DOK5: variants seen among roughly 807,000 people sequenced by gnomAD.
DOK5 encodes docking protein 5, also known as downstream of tyrosine kinase 5.
DOK5 carries 27 observed loss-of-function variants against 43.3 expected under a neutral mutation model. That is an observed-to-expected ratio of 0.62 (90% CI 0.46 to 0.86). The LOEUF (loss-of-function observed/expected upper bound fraction) is 0.86, where lower values mean the gene tolerates loss of function less well. Among genes scored for constraint, DOK5 ranks in the 40% least tolerant of loss-of-function variants. The probability of loss-of-function intolerance (pLI) is 0.00; values close to 1 mark genes in which losing one functional copy is unlikely to be tolerated. For synonymous variants in DOK5, 146 were observed against 140.1 expected (o/e 1.04, Z -0.30); for missense variants, 373 against 392.9 (o/e 0.95, Z 0.43).
At chr20:54,507,457 A>C (rs1448353208) in intron 1 of DOK5, among the ~76,000 whole-genome samples, 2 of 152,250 alleles carry the variant, frequency 1.3e-5, no homozygotes, top group African/African-American at 4.8e-5. Context: ...AAAAATATAA[A>C]AATTATTAAT....
At chr20:54,613,218 C>T (rs1455996426) in intron 6 of DOK5, among the ~76,000 whole-genome samples, 3 of 149,384 alleles carry the variant, frequency 2.0e-5, no homozygotes, top group Non-Finnish European at 4.4e-5. Flanking sequence ...CTCTCTCTCT[C>T]GTCACCTCTC....
chr20:54,620,885 CT>C (rs60705062), intron 6 of DOK5, among the ~76,000 whole-genome samples: 4,373 of 152,156 alleles, frequency 0.029, 164 homozygotes, highest in African/African-American at 0.084. Flanking sequence ...AGTTCCCATT[CT>C]TGCGGAGCTT....
intron 1 of DOK5, among the ~76,000 whole-genome samples, chr20:54,501,913 T>C (rs1982623821): frequency 6.6e-6 from 1 of 152,244 alleles, no homozygotes; most frequent in Admixed American, 6.5e-5. Flanking sequence ...TTTTATTTCC[T>C]CGGTTAATAC....
intron 1 of DOK5, among the ~76,000 whole-genome samples, chr20:54,483,448 G>A (rs901964964): frequency 2.0e-5 from 3 of 152,136 alleles, no homozygotes; most frequent in Non-Finnish European, 4.4e-5. Context: ...TCCTCAAGGA[G>A]TTGACAATTT....
chr20:54,586,039 G>A (rs1389161606), intron 2 of DOK5, among the ~76,000 whole-genome samples: 7 of 152,154 alleles, frequency 4.6e-5, no homozygotes, highest in African/African-American at 9.7e-5. Context: ...CAGGAGAATC[G>A]CTTGAACCTG....
rs530930383 is a variant in DOK5 at position 54,600,813 on chromosome 20, G to A, written c.599+9008G>A. On this transcript the variant is annotated intron_variant, in intron 5 of 7. Coordinates refer to ENST00000262593, the MANE Select transcript of DOK5 (RefSeq NM_018431.5). Reference sequence around the variant, plus strand: ...TGTCTAGCTCAAGTTTTCCAGGCAGGCAAACATTACCTTGCAGGAGATCCT... The same window carrying A: ...TGTCTAGCTCAAGTTTTCCAGGCAGACAAACATTACCTTGCAGGAGATCCT... 7.9e-5 allele frequency among the ~76,000 whole-genome samples: 12 copies of A among 152,324 alleles called. No homozygotes were observed. The East Asian group carries it at 2.3e-3, about 29-fold the overall frequency.
chr20:54,622,838 T>C (rs1987024200), intron 6 of DOK5, among the ~76,000 whole-genome samples: 1 of 151,944 alleles, frequency 6.6e-6, no homozygotes, highest in Non-Finnish European at 1.5e-5. Flanking sequence ...GAGATAGAAA[T>C]AGTGATGAGG....
intron 1 of DOK5, among the ~76,000 whole-genome samples, chr20:54,501,189 TG>T (rs1042155029): frequency 6.6e-6 from 1 of 151,114 alleles, no homozygotes; most frequent in Admixed American, 6.6e-5. Flanking sequence ...GCAGTGGGGC[TG>T]GGCGCGGTGG....
intron 2 of DOK5, 73 bp from the exon 3 acceptor site, chr20:54,588,410 C>T (rs1985876593): frequency 1.6e-6 from 2 of 1,247,932 alleles, no homozygotes; most frequent in African/African-American, 3.0e-5. Context: ...GATTTCCGGG[C>T]CTCACCTTTG....
Position 54,547,915 on chromosome 20 carries a change from A to T in DOK5, c.67-7018A>T, listed in dbSNP as rs531005843. 3.3e-5 allele frequency among the ~76,000 whole-genome samples: 5 copies of T among 152,326 alleles called. No individual in the cohort carries two copies. The East Asian group carries it at 9.6e-4, about 29-fold the overall frequency. On this transcript the variant is annotated intron_variant, in intron 1 of 7. Transcript: ENST00000262593. Reference sequence around the variant, plus strand: ...ATATTTTTCAAATATACAATTTCAGATCAGCATGCATTCAGCTGTGGCAGT... The same window carrying T: ...ATATTTTTCAAATATACAATTTCAGTTCAGCATGCATTCAGCTGTGGCAGT...
At chr20:54,517,013 C>CG (rs1983219740) in intron 1 of DOK5, among the ~76,000 whole-genome samples, 1 of 152,162 alleles carries the variant, frequency 6.6e-6, no homozygotes. Context: ...CAACATATCT[C>CG]GGGTTGATGT....
intron 2 of DOK5, among the ~76,000 whole-genome samples, chr20:54,582,485 A>G (rs980807826): frequency 7.3e-5 from 11 of 151,396 alleles, no homozygotes; most frequent in African/African-American, 2.7e-4. Flanking sequence ...TCTTCCAACA[A>G]AGAAATACAC....
chr20:54,616,670 A>G (rs994856364), intron 6 of DOK5, among the ~76,000 whole-genome samples: 4 of 151,908 alleles, frequency 2.6e-5, no homozygotes, highest in Non-Finnish European at 5.9e-5. Flanking sequence ...TTGGCATAGC[A>G]TAGTGGACCT....
At chr20:54,643,321 C>G (rs1318122588) in intron 6 of DOK5, 137 bp from the exon 7 acceptor site, 3 of 1,200,726 alleles carry the variant, frequency 2.5e-6, no homozygotes, top group African/African-American at 3.0e-5. Context: ...CCATGCCCAC[C>G]ACCTTCAATC....
intron 1 of DOK5, among the ~76,000 whole-genome samples, chr20:54,540,149 T>C (rs1984100980): frequency 6.6e-6 from 1 of 152,086 alleles, no homozygotes; most frequent in African/African-American, 2.4e-5. Context: ...TCATTGCTTT[T>C]TTTTTTCAAC....
intron 1 of DOK5, among the ~76,000 whole-genome samples, chr20:54,552,920 A>G (rs1204831516): frequency 1.3e-5 from 2 of 152,230 alleles, no homozygotes; most frequent in Non-Finnish European, 2.9e-5. Context: ...CCCATCTGCC[A>G]GGTACTGATA....
chr20:54,488,401 C>G lies in DOK5; in HGVS notation c.66+12389C>G, dbSNP rs559743736. On this transcript the variant is annotated intron_variant, in intron 1 of 7. Coordinates refer to ENST00000262593, the MANE Select transcript of DOK5 (RefSeq NM_018431.5). ...ATATTCCTTCCTCAGAATGACTTGC[C>G]TTGACTACAACATTTAAGTTGACTC... Among the ~76,000 whole-genome samples the G allele has an allele frequency of 3.3e-5, 5 of 152,252 alleles. No individual in the cohort carries two copies. The South Asian group carries it at 1.0e-3, about 32-fold the overall frequency.
At chr20:54,486,815 G>A (rs977483181) in intron 1 of DOK5, among the ~76,000 whole-genome samples, 8 of 152,162 alleles carry the variant, frequency 5.3e-5, no homozygotes, top group Non-Finnish European at 1.0e-4. Context: ...TAGAAACTCA[G>A]TGAGTCATAC....
At chr20:54,595,156 A>G (rs563660700) in intron 5 of DOK5, among the ~76,000 whole-genome samples, 203 of 152,304 alleles carry the variant, frequency 1.3e-3, no homozygotes, top group Middle Eastern at 3.4e-3. Context: ...CCTGGCTAAC[A>G]CGGTGAAACC....
Sources: allele counts gnomAD v4.1 joint callset (sites outside exome capture counted in the v4.1 genomes callset), GRCh38; gene constraint gnomAD v4.1.1; transcripts MANE v1.5; gene names NCBI Gene and HGNC (gene_info 2026-07-23, HGNC 2026-07-21).